The following PRKACB variants were observed in gnomAD, a reference collection of about 807,000 sequenced individuals.
The protein encoded by PRKACB is cAMP-dependent protein kinase catalytic subunit beta.
Under a neutral mutation model 51.4 loss-of-function variants are expected in PRKACB, and 16 were observed. The ratio of observed to expected loss-of-function variants is 0.31; its 90% CI spans 0.21 to 0.47. The LOEUF is 0.47. Ranked by LOEUF, PRKACB falls within the 20% of genes least tolerant of loss-of-function variation. PRKACB has a pLI of 1.00. For missense variants in PRKACB, 309 were observed against 464.5 expected (o/e 0.67, Z 3.08); for synonymous variants, 147 against 154.4 (o/e 0.95, Z 0.35).
chr1:84,182,492 A>G (rs1467243522), intron 3 of PRKACB, among the ~76,000 whole-genome samples, 164 bp downstream of exon 3: 2 of 152,002 alleles, frequency 1.3e-5, no homozygotes, highest in Non-Finnish European at 2.9e-5. Context: ...TATATTATAC[A>G]TAGTTAGTAT....
At chr1:84,164,484 T>G (rs1228917895) in intron 1 of PRKACB, 15 of 1,536,382 alleles carry the variant, frequency 9.8e-6, no homozygotes, top group Non-Finnish European at 1.3e-5. Flanking sequence ...AAGCGTAGAT[T>G]AGTGCTTAAA....
Position 84,078,235 on chromosome 1 carries a change from C to T in PRKACB, c.-91C>T. The T allele has an allele frequency of 3.5e-6, 5 of 1,432,356 alleles. No individual in the cohort carries two copies. In the South Asian group the frequency reaches 3.7e-5, roughly 11 times the overall value. The allele number at this position is 1,432,356 out of a possible 1,614,324, so 88.7% of individuals were successfully genotyped here. Reference sequence around the variant, plus strand: ...GGCGCACTCACCGCTCTGACGGGTGCAGACGCGGGAGTTGTCCCAGACTGT... The same window carrying T: ...GGCGCACTCACCGCTCTGACGGGTGTAGACGCGGGAGTTGTCCCAGACTGT... On this transcript the variant is annotated 5_prime_UTR_variant, in exon 1 of 9. Transcript: ENST00000370688.
chr1:84,094,059 A>T (rs1210360069), intron 1 of PRKACB, among the ~76,000 whole-genome samples: 1 of 151,948 alleles, frequency 6.6e-6, no homozygotes, highest in African/African-American at 2.4e-5. Context: ...TGACAGTGTA[A>T]GTTTTTTCCT....
chr1:84,182,216 A>G lies in PRKACB; in HGVS notation c.266A>G (p.Glu89Gly), dbSNP rs1326605198. 6.4e-7 allele frequency: 1 copy of G among 1,574,634 alleles called. No individual in the cohort carries two copies. The highest frequency in any genetic ancestry group is 1.2e-5 in the South Asian group (1 of 84,276). ...TACATATAGAATAATGCCGGACTTG[A>G]AGATTTTGAAAGGAAAAAAACCCTT... ...ENPTQNNAGL[E>G]DFERKKTLGT... Residue 89 changes from glutamate to glycine, a missense_variant, in exon 3 of 10, where the codon GAA becomes GGA. By Grantham distance (98) the Glu-to-Gly change is moderately conservative (BLOSUM62 -2). This residue lies in a region of PRKACB where 153 missense variants were observed against 190.2 expected (regional missense o/e 0.80). Transcript: ENST00000370685.
chr1:84,114,322 C>T lies in PRKACB; in HGVS notation c.46+35951C>T, dbSNP rs565169949. ...AAAGTAAAGCTGTATATGTTTTCCA[C>T]ATAAACATGTATGTAAAAGTATAAA... is the stretch of plus-strand genomic sequence containing the variant. On this transcript the variant is annotated intron_variant, in intron 1 of 8. Transcript: ENST00000370688. Among the ~76,000 whole-genome samples the T allele has an allele frequency of 5.6e-4, 85 of 152,228 alleles. 1 individual carries two copies. In the South Asian group the frequency reaches 0.017, roughly 31 times the overall value.
At chr1:84,231,996 C>A (rs758758123) in intron 9 of PRKACB, among the ~76,000 whole-genome samples, 116 of 150,800 alleles carry the variant, frequency 7.7e-4, no homozygotes, top group African/African-American at 2.7e-3. Flanking sequence ...TTTTCTAGTT[C>A]TTTTAATTGT....
At chr1:84,145,303 T>A (rs1653905931) in intron 1 of PRKACB, among the ~76,000 whole-genome samples, 1 of 152,088 alleles carries the variant, frequency 6.6e-6, no homozygotes, top group Non-Finnish European at 1.5e-5. Context: ...ACATCTCACC[T>A]TGGACCCTCC....
intron 5 of PRKACB, among the ~76,000 whole-genome samples, chr1:84,193,735 G>A (rs1667445246): frequency 6.6e-6 from 1 of 152,124 alleles, no homozygotes; most frequent in African/African-American, 2.4e-5. Flanking sequence ...TCTTGGAGCA[G>A]GTGCTGGGTG....
intron 1 of PRKACB, among the ~76,000 whole-genome samples, chr1:84,087,461 A>T (rs367735722): frequency 6.6e-6 from 1 of 151,986 alleles, no homozygotes; most frequent in African/African-American, 2.4e-5. Flanking sequence ...CTGATTAGTC[A>T]TTTATGTTTA....
At chr1:84,135,364 A>G (rs1652696730) in intron 1 of PRKACB, among the ~76,000 whole-genome samples, 2 of 152,206 alleles carry the variant, frequency 1.3e-5, no homozygotes, top group East Asian at 1.9e-4. Flanking sequence ...AATAATTGAT[A>G]TAGATTAAGC....
chr1:84,131,644 A>C lies in PRKACB; in HGVS notation c.47-47533A>C, dbSNP rs192799213. ...CCCCCCATCAGAGAACTGAGATTGCAGGGCAACCACTAGCCTGAAATCTGG... is the reference window on the plus strand; with the variant it reads ...CCCCCCATCAGAGAACTGAGATTGCCGGGCAACCACTAGCCTGAAATCTGG... On this transcript the variant is annotated intron_variant, in intron 1 of 8. Coordinates refer to the PRKACB transcript ENST00000370688. Among the ~76,000 whole-genome samples, 1,480 of 152,294 alleles carry C rather than the reference A, an allele frequency of 9.7e-3. 13 individuals are homozygous for C. The highest frequency in any genetic ancestry group is 0.015 in the Non-Finnish European group (1,030 of 68,006).
At chr1:84,217,059 C>A (rs941657045) in intron 9 of PRKACB, among the ~76,000 whole-genome samples, 1 of 152,098 alleles carries the variant, frequency 6.6e-6, no homozygotes, top group Non-Finnish European at 1.5e-5. Context: ...CCTGATCAAC[C>A]AATCATTAGC....
chr1:84,130,155 A>G (rs1214926770), intron 1 of PRKACB, among the ~76,000 whole-genome samples: 1 of 133,202 alleles, frequency 7.5e-6, no homozygotes, highest in East Asian at 2.3e-4. Flanking sequence ...GTGCCATTGC[A>G]CTCCAGCCTA....
chr1:84,096,094 T>G (rs990320377), intron 1 of PRKACB, among the ~76,000 whole-genome samples: 2 of 151,918 alleles, frequency 1.3e-5, no homozygotes, highest in African/African-American at 4.8e-5. Context: ...CAGATTGTGT[T>G]GATCCATCAA....
At position 84,180,183 on chromosome 1, in the gene PRKACB, GATATATAT is replaced by G. The variant is rs3051182; in HGVS notation, c.249+964_249+971del. Among the ~76,000 whole-genome samples the G allele has an allele frequency of 6.6e-3, 211 of 32,056 alleles. 17 individuals are homozygous for G. Among genetic ancestry groups the G allele is most frequent in the African/African-American group, 0.012 (172 of 13,866 alleles). The allele number at this position is 32,056 out of a possible 152,430, so 21.0% of individuals were successfully genotyped here. A position where few individuals can be genotyped will look rare whatever the true frequency, so the allele number is the denominator to read the frequency against. ...ATCAACGAATGGATAAAGAAACTGTGATATATATATATATATATATATATATGTATGAT... is the reference window on the plus strand; with the variant it reads ...ATCAACGAATGGATAAAGAAACTGTGATATATATATATATATATGTATGAT... On this transcript the variant is annotated intron_variant, in intron 2 of 9. Coordinates refer to ENST00000370685, the MANE Select transcript of PRKACB (RefSeq NM_182948.4).
chr1:84,179,378 CAT>C (rs1334327916), intron 2 of PRKACB, 140 bp downstream of exon 2: 1 of 1,040,796 alleles, frequency 9.6e-7, no homozygotes, highest in African/African-American at 1.6e-5. Flanking sequence ...GGAATTTTGC[CAT>C]AGTTATACTT....
chr1:84,125,342 T>C lies in PRKACB; in HGVS notation c.46+46971T>C, dbSNP rs1571683034. Among the ~76,000 whole-genome samples, 3 of 152,204 alleles carry C rather than the reference T, an allele frequency of 2.0e-5. 1 individual carries two copies. The highest frequency in any genetic ancestry group is 4.1e-4 in the South Asian group (2 of 4,832). On this transcript the variant is annotated intron_variant, in intron 1 of 8. Transcript: ENST00000370688. ...TTCTCACACGTGAAATTTCATGACA[T>C]GTTGCCATGGCTCTCTTCTGCTCCT... is the stretch of plus-strand genomic sequence containing the variant.
chr1:84,104,114 G>A (rs931473261), intron 1 of PRKACB, among the ~76,000 whole-genome samples: 2 of 151,998 alleles, frequency 1.3e-5, no homozygotes, highest in Non-Finnish European at 2.9e-5. Context: ...TCTCTAATCT[G>A]TAGTAACCCA....
chr1:84,153,699 T>TAA (rs1409090276), intron 1 of PRKACB, among the ~76,000 whole-genome samples: 1 of 152,186 alleles, frequency 6.6e-6, no homozygotes, highest in Non-Finnish European at 1.5e-5. Context: ...TTTCACTTAA[T>TAA]ATAATGTCTT....
Sources: gnomAD v4.1 joint callset for allele counts (sites outside exome capture counted in the v4.1 genomes callset) on GRCh38, gnomAD v4.1.1 for gene constraint, gnomAD v4.1.1 regional missense constraint, MANE v1.5 for transcripts, NCBI Gene and HGNC (gene_info 2026-07-23, HGNC 2026-07-21) for gene names.